Variants in SCFD1 observed in about 807,000 individuals in gnomAD.
SCFD1 encodes the protein sec1 family domain containing 1, also known as sec1 family domain-containing protein 1.
SCFD1 carries 37 observed loss-of-function variants against 103.2 expected under a neutral mutation model. The observed-to-expected ratio is 0.36, with a 90% CI of 0.28 to 0.47. SCFD1 has a LOEUF of 0.47. Ranked by LOEUF, SCFD1 falls within the 20% of genes least tolerant of loss-of-function variation. SCFD1 has a pLI of 1.00. For missense variants in SCFD1, 639 were observed against 761.2 expected, an observed-to-expected ratio of 0.84 and a Z score of 1.89; for synonymous variants, 264 against 245.0, an observed-to-expected ratio of 1.08 and a Z score of -0.73.
intron 7 of SCFD1, chr14:30,643,802 A>T (rs1885528592): frequency 6.1e-6 from 2 of 326,562 alleles, no homozygotes; most frequent in East Asian, 8.1e-5. Context: ...TCCAGAAAAC[A>T]TTATGTATGT....
At chr14:30,731,077 A>G (rs1893425510) in intron 23 of SCFD1, among the ~76,000 whole-genome samples, 1 of 152,198 alleles carries the variant, frequency 6.6e-6, no homozygotes, top group Admixed American at 6.5e-5. Context: ...ATGGCTAGCC[A>G]GTTTTCCCAG....
intron 10 of SCFD1, among the ~76,000 whole-genome samples, chr14:30,656,040 A>C (rs1886865518): frequency 6.6e-6 from 1 of 152,074 alleles, no homozygotes; most frequent in Non-Finnish European, 1.5e-5. Flanking sequence ...GATCCCCAAC[A>C]GGTTGTGGCT....
At chr14:30,714,652 G>T (rs1050167471) in intron 19 of SCFD1, among the ~76,000 whole-genome samples, 6 of 152,010 alleles carry the variant, frequency 3.9e-5, no homozygotes, top group African/African-American at 1.5e-4. Context: ...TTATATAATA[G>T]TAATGTGTTA....
At chr14:30,635,772 C>T (rs1884660442) in intron 4 of SCFD1, among the ~76,000 whole-genome samples, 1 of 152,126 alleles carries the variant, frequency 6.6e-6, no homozygotes, top group Admixed American at 6.6e-5. Context: ...GCCGTAAACA[C>T]ATAGGAATAA....
Position 30,693,714 on chromosome 14 carries a change from C to T in SCFD1, c.1243-1059C>T, listed in dbSNP as rs1276270186. Among the ~76,000 whole-genome samples, 5 of 152,160 alleles carry T rather than the reference C, an allele frequency of 3.3e-5. No homozygotes were observed. In the South Asian group the frequency reaches 8.3e-4, roughly 25 times the overall value. On this transcript the variant is annotated intron_variant, in intron 14 of 24. Transcript: ENST00000458591. ...GTTGTATATTTGTATATTGGTTCTA[C>T]GTTGGTATTACTATAAATCCTAATA...
chr14:30,641,145 T>G (rs974089813), intron 6 of SCFD1, among the ~76,000 whole-genome samples: 4 of 152,214 alleles, frequency 2.6e-5, no homozygotes, highest in African/African-American at 9.6e-5. Context: ...GAGATAACAT[T>G]CTTTATCATT....
chr14:30,658,989 C>T (rs1340299618), intron 10 of SCFD1, among the ~76,000 whole-genome samples: 3 of 152,166 alleles, frequency 2.0e-5, no homozygotes, highest in East Asian at 1.9e-4. Context: ...GAAGTGTCTA[C>T]TGAAGGTCTG....
At chr14:30,636,410 TG>T (rs1285218060) in intron 4 of SCFD1, among the ~76,000 whole-genome samples, 1 of 152,094 alleles carries the variant, frequency 6.6e-6, no homozygotes, top group Non-Finnish European at 1.5e-5. Flanking sequence ...TTATATATGG[TG>T]GGATGTAGGT....
chr14:30,635,682 C>T (rs776661296), intron 4 of SCFD1, among the ~76,000 whole-genome samples: 1 of 151,974 alleles, frequency 6.6e-6, no homozygotes, highest in Non-Finnish European at 1.5e-5. Flanking sequence ...TGGATTGTTT[C>T]TACCTTTTGG....
At chr14:30,729,939 A>T (rs1481514528) in intron 23 of SCFD1, among the ~76,000 whole-genome samples, 1 of 151,860 alleles carries the variant, frequency 6.6e-6, no homozygotes, top group Non-Finnish European at 1.5e-5. Context: ...TAAATGTGCC[A>T]TGTTGGTGTG....
chr14:30,705,759 A>C, intron 17 of SCFD1, 64 bp from the exon 18 acceptor site: 145 of 1,248,676 alleles, frequency 1.2e-4, no homozygotes, highest in Middle Eastern at 3.7e-4. Context: ...AGATATTTTA[A>C]TACCGTGACA....
intron 20 of SCFD1, among the ~76,000 whole-genome samples, chr14:30,716,490 A>G (rs1005075546): frequency 2.0e-5 from 3 of 152,188 alleles, no homozygotes; most frequent in Non-Finnish European, 2.9e-5. Flanking sequence ...GACTTAAAGA[A>G]TGGGTTTCTA....
intron 14 of SCFD1, among the ~76,000 whole-genome samples, chr14:30,681,684 T>TA (rs1374587955): frequency 1.3e-5 from 2 of 151,980 alleles, no homozygotes; most frequent in South Asian, 2.1e-4. Context: ...ATGATTAAGA[T>TA]AAAAAAACCT....
intron 14 of SCFD1, chr14:30,683,193 C>A: frequency 8.9e-7 from 1 of 1,119,134 alleles, no homozygotes; most frequent in South Asian, 1.4e-5. Context: ...GGAGAGTGTT[C>A]TGGATGGAGA....
intron 14 of SCFD1, among the ~76,000 whole-genome samples, chr14:30,690,563 G>C (rs1890198479): frequency 7.3e-6 from 1 of 136,456 alleles, no homozygotes; most frequent in African/African-American, 3.1e-5. Context: ...GGGTGGAAGT[G>C]ACCCGATTTT....
At chr14:30,700,610 G>A (rs1191523528) in intron 16 of SCFD1, among the ~76,000 whole-genome samples, 1 of 152,152 alleles carries the variant, frequency 6.6e-6, no homozygotes, top group African/African-American at 2.4e-5. Flanking sequence ...GGAGGCAGAG[G>A]TTGCAGTGAG....
intron 10 of SCFD1, among the ~76,000 whole-genome samples, chr14:30,655,451 T>A (rs1886809929): frequency 2.0e-5 from 3 of 152,148 alleles, no homozygotes; most frequent in Non-Finnish European, 4.4e-5. Flanking sequence ...GTAAAGGCCA[T>A]TGACTTTAAT....
intron 17 of SCFD1, 86 bp from the exon 18 acceptor site, chr14:30,705,737 G>A (rs551453357): frequency 1.0e-6 from 1 of 976,448 alleles, no homozygotes; most frequent in African/African-American, 1.6e-5. Context: ...ATAGAAGTTA[G>A]AGTTAGTCAG....
chr14:30,680,611 G>A (rs1009775452), intron 14 of SCFD1, among the ~76,000 whole-genome samples: 2 of 152,122 alleles, frequency 1.3e-5, no homozygotes, highest in African/African-American at 4.8e-5. Context: ...AGTAACCATA[G>A]GATTAGGAAT....
Sources: gnomAD v4.1 joint callset for allele counts (sites outside exome capture counted in the v4.1 genomes callset) on GRCh38, gnomAD v4.1.1 for gene constraint, MANE v1.5 for transcripts, NCBI Gene and HGNC (gene_info 2026-07-23, HGNC 2026-07-21) for gene names.